Variants in NT5M observed in about 807,000 individuals in gnomAD.
NT5M encodes the protein 5'(3')-deoxyribonucleotidase, mitochondrial.
NT5M carries 22 observed loss-of-function variants against 22.2 expected under a neutral mutation model. The ratio of observed to expected loss-of-function variants is 0.99; its 90% confidence interval spans 0.71 to 1.41. NT5M has a LOEUF of 1.41. Among genes scored for constraint, NT5M ranks in the 40% most tolerant of loss-of-function variants. The pLI, the probability that NT5M is intolerant of heterozygous loss-of-function variation, is 0.00. For synonymous variants in NT5M, 167 were observed against 133.0 expected, an observed-to-expected ratio of 1.26 and a Z score of -1.76; for missense variants, 322 against 314.8, an observed-to-expected ratio of 1.02 and a Z score of -0.17.
intron 2 of NT5M, among the ~76,000 whole-genome samples, chr17:17,311,426 G>A (rs1440713129): frequency 1.3e-5 from 2 of 152,082 alleles, no homozygotes; most frequent in Non-Finnish European, 2.9e-5. Flanking sequence ...TGTGAGGTAG[G>A]GGGTCAAACT....
intron 2 of NT5M, among the ~76,000 whole-genome samples, chr17:17,318,051 C>G (rs1287539591): frequency 2.0e-5 from 3 of 150,386 alleles, no homozygotes; most frequent in African/African-American, 7.3e-5. Flanking sequence ...GAATTGAAAA[C>G]AGGTATTCAA....
chr17:17,342,835 G>C (rs1295826111), intron 3 of NT5M, among the ~76,000 whole-genome samples: 2 of 152,206 alleles, frequency 1.3e-5, no homozygotes, highest in Admixed American at 1.3e-4. Context: ...GTTGTCTGTG[G>C]CCTGTGTGCC....
chr17:17,344,684 C>T, intron 3 of NT5M, 110 bp from the exon 4 acceptor site: 1 of 1,343,852 alleles, frequency 7.4e-7, no homozygotes, highest in Non-Finnish European at 1.0e-6. Flanking sequence ...CTCCATCCCT[C>T]CCTGCCTGTT....
chr17:17,322,770 GAGCCA>G (rs565801222), intron 2 of NT5M, among the ~76,000 whole-genome samples: 29 of 152,110 alleles, frequency 1.9e-4, no homozygotes, highest in Non-Finnish European at 3.8e-4. Context: ...TCCTCACGCG[GAGCCA>G]AGCCAAGCCA....
intron 3 of NT5M, among the ~76,000 whole-genome samples, chr17:17,335,184 G>A (rs1192480002): frequency 1.3e-5 from 2 of 151,542 alleles, no homozygotes; most frequent in Non-Finnish European, 1.5e-5. Flanking sequence ...TTTATCAAGT[G>A]TACAGTTCAG....
intron 2 of NT5M, among the ~76,000 whole-genome samples, chr17:17,317,622 A>T (rs760112955): frequency 3.4e-4 from 51 of 152,152 alleles, no homozygotes; most frequent in Non-Finnish European, 5.6e-4. Context: ...TGTGGGTGTG[A>T]ATATAAAACA....
intron 2 of NT5M, among the ~76,000 whole-genome samples, chr17:17,314,517 G>T (rs756552770): frequency 6.6e-6 from 1 of 152,110 alleles, no homozygotes; most frequent in Non-Finnish European, 1.5e-5. Context: ...TTTACAAATT[G>T]ATATGCTCCA....
Position 17,347,076 on chromosome 17 carries a change from G to A in NT5M, c.*129G>A. On this transcript the variant is annotated 3_prime_UTR_variant, in exon 5 of 5. Transcript: ENST00000389022. ...TGGGCCCCATGACCTCCTGCTGCATGTCCCTTCCCTTCCCCAGCCCTGCCA... is the reference window on the plus strand; with the variant it reads ...TGGGCCCCATGACCTCCTGCTGCATATCCCTTCCCTTCCCCAGCCCTGCCA... 8.4e-7 allele frequency: 1 copy of A among 1,189,382 alleles called. No homozygotes were observed. The allele number at this position is 1,189,382 out of a possible 1,614,324, so 73.7% of individuals were successfully genotyped here.
intron 2 of NT5M, among the ~76,000 whole-genome samples, chr17:17,310,326 T>C (rs1382430319): frequency 3.9e-5 from 6 of 151,932 alleles, no homozygotes; most frequent in Non-Finnish European, 1.5e-5. Flanking sequence ...GGAGGATCAC[T>C]TGAGGCCAGC....
chr17:17,306,572 G>T lies in NT5M; in HGVS notation c.297G>T (p.Lys99Asn), dbSNP rs1177267832. The change falls in exon 2 of 5, where the codon AAG (lysine) becomes AAT (asparagine). Residue 99 changes from lysine (K) to asparagine (N), a missense_variant. Lys to Asn is a moderately conservative substitution (Grantham distance 94, BLOSUM62 0). Coordinates refer to ENST00000389022, the MANE Select transcript of NT5M (RefSeq NM_020201.4). ...AGGCCATCAGCATTTGGGAGTCAAA[G>T]AATTTCTTTTTTGAACTTGAGCCTC... ...SEKAISIWES[K>N]NFFFELEPLP... 1.4e-5 allele frequency: 22 copies of T among 1,613,838 alleles called. No individual in the cohort carries two copies. The highest frequency in any genetic ancestry group is 1.1e-4 in the East Asian group (5 of 44,892).
At chr17:17,307,983 G>A (rs2048843663) in intron 2 of NT5M, among the ~76,000 whole-genome samples, 1 of 152,084 alleles carries the variant, frequency 6.6e-6, no homozygotes, top group South Asian at 2.1e-4. Flanking sequence ...CCAGGAAGTG[G>A]AGGTTGCAGT....
At chr17:17,341,318 C>T (rs1371728178) in intron 3 of NT5M, among the ~76,000 whole-genome samples, 3 of 152,078 alleles carry the variant, frequency 2.0e-5, no homozygotes, top group Non-Finnish European at 4.4e-5. Flanking sequence ...CAGGTGTCCT[C>T]ACAGTTTTTT....
intron 2 of NT5M, among the ~76,000 whole-genome samples, chr17:17,310,165 G>A (rs760369344): frequency 6.6e-6 from 1 of 152,120 alleles, no homozygotes; most frequent in African/African-American, 2.4e-5. Context: ...AAATTGAAAT[G>A]AAAGTCTACA....
chr17:17,309,641 T>G (rs1345112847), intron 2 of NT5M, among the ~76,000 whole-genome samples: 2 of 151,402 alleles, frequency 1.3e-5, no homozygotes, highest in Admixed American at 1.3e-4. Flanking sequence ...AATTTTGGGT[T>G]GCATTTCTCT....
intron 2 of NT5M, among the ~76,000 whole-genome samples, chr17:17,310,151 T>A (rs767934497): frequency 1.3e-5 from 2 of 152,034 alleles, no homozygotes; most frequent in Non-Finnish European, 2.9e-5. Context: ...AGGACAAAAT[T>A]AAGAAATTGA....
chr17:17,326,593 C>T (rs946098919), intron 3 of NT5M, among the ~76,000 whole-genome samples: 4 of 152,226 alleles, frequency 2.6e-5, no homozygotes, highest in South Asian at 2.1e-4. Flanking sequence ...CAGCCCAAGA[C>T]GCTGAAGCGC....
At chr17:17,321,025 CA>C (rs113551827) in intron 2 of NT5M, among the ~76,000 whole-genome samples, 10,626 of 152,056 alleles carry the variant, frequency 0.07, 423 homozygotes, top group South Asian at 0.1. Context: ...TAGGTGGAGG[CA>C]GCTTGTCGGG....
chr17:17,318,785 C>CAAAAAA (rs61422345), intron 2 of NT5M, among the ~76,000 whole-genome samples: 6 of 40,254 alleles, frequency 1.5e-4, no homozygotes, highest in Middle Eastern at 0.056. Flanking sequence ...AACTCCGTCT[C>CAAAAAA]AAAAAAAAAA....
chr17:17,346,384 G>A lies in NT5M; in HGVS notation c.545-421G>A, dbSNP rs141817312. ...GCGGCTGGTGAGCTGCAGAGCTGGT[G>A]CCACCTGGCCTTCCCACACCAGGCC... On this transcript the variant is annotated intron_variant, in intron 4 of 4. Coordinates refer to ENST00000389022, the MANE Select transcript of NT5M (RefSeq NM_020201.4). Among the ~76,000 whole-genome samples the A allele has an allele frequency of 8.4e-3, 1,280 of 152,356 alleles. 30 individuals carry two copies. The highest frequency in any genetic ancestry group is 0.029 in the African/African-American group (1,225 of 41,580).
Sources: gnomAD v4.1 joint callset for allele counts (sites outside exome capture counted in the v4.1 genomes callset) on GRCh38, gnomAD v4.1.1 for gene constraint, MANE v1.5 for transcripts, NCBI Gene and HGNC (gene_info 2026-07-23, HGNC 2026-07-21) for gene names.